The following ZFYVE28 variants were observed in gnomAD, a reference collection of about 807,000 sequenced individuals.
The protein encoded by ZFYVE28 is zinc finger FYVE-type containing 28, also known as lateral signaling target protein 2 homolog.
Under a neutral mutation model 82.1 loss-of-function variants are expected in ZFYVE28, and 40 were observed. That is an observed-to-expected ratio of 0.49 (90% CI 0.38 to 0.63). The LOEUF is 0.63. Ranked by LOEUF, ZFYVE28 falls within the 30% of genes least tolerant of loss-of-function variation. The pLI is 0.00. For synonymous variants in ZFYVE28, 612 were observed against 546.1 expected (o/e 1.12, Z -1.68); for missense variants, 1,321 against 1,242.1 (o/e 1.06, Z -0.96).
chr4:2,301,627 G>T (rs1014120964), intron 8 of ZFYVE28, among the ~76,000 whole-genome samples: 1 of 147,774 alleles, frequency 6.8e-6, no homozygotes, highest in Non-Finnish European at 1.5e-5. Flanking sequence ...GCTTCTGGAG[G>T]GGGTGGGCGT....
chr4:2,322,786 T>C (rs1345494834), intron 6 of ZFYVE28, among the ~76,000 whole-genome samples: 1 of 152,118 alleles, frequency 6.6e-6, no homozygotes, highest in African/African-American at 2.4e-5. Context: ...CTCATCTGCT[T>C]TCTGTCTCTA....
Position 2,409,743 on chromosome 4 carries a change from G to A in ZFYVE28, c.39+8542C>T, listed in dbSNP as rs1321764617. Among the ~76,000 whole-genome samples the A allele has an allele frequency of 6.6e-6, 1 of 152,240 alleles. No individual in the cohort carries two copies. The highest frequency in any genetic ancestry group is 1.5e-5 in the Non-Finnish European group (1 of 68,042). Reference sequence around the variant, plus strand: ...CAGCTCTGTGGGAGGAGGTCGGTTTGAGAAATTTGTCAGAACTACCCAACC... The same window carrying A: ...CAGCTCTGTGGGAGGAGGTCGGTTTAAGAAATTTGTCAGAACTACCCAACC... On this transcript the variant is annotated intron_variant, in intron 1 of 12. Transcript: ENST00000290974. The surrounding 1 kb of genome is among the most constrained non-coding windows in gnomAD (Gnocchi z 4.4).
chr4:2,352,428 C>T (rs1724620231), intron 2 of ZFYVE28, among the ~76,000 whole-genome samples: 1 of 151,174 alleles, frequency 6.6e-6, no homozygotes, highest in Admixed American at 6.6e-5. Context: ...GAGGGGGAGG[C>T]GTGGAAGAGG....
chr4:2,304,807 C>T lies in ZFYVE28; in HGVS notation c.1533G>A (p.Met511Ile), dbSNP rs1244801392. The T allele has an allele frequency of 1.2e-6, 2 of 1,612,606 alleles. No homozygotes were observed. Among genetic ancestry groups the T allele is most frequent in the East Asian group, 2.2e-5 (1 of 44,886 alleles). The change falls in exon 8 of 13, where the codon ATG (methionine) becomes ATA (isoleucine). Residue 511 changes from methionine (M) to isoleucine (I), a missense_variant. By Grantham distance (10) the Met-to-Ile change is conservative (BLOSUM62 1). Coordinates refer to ENST00000290974, the MANE Select transcript of ZFYVE28 (RefSeq NM_020972.3). ...AEMIAHRTGG[M>I]KLSATVIFNP... ...TGAAGATGACCGTGGCTGAGAGCTT[C>T]ATGCCCCCTGTCCGGTGGGCGATCA...
chr4:2,369,020 T>C (rs1324123002), intron 1 of ZFYVE28, among the ~76,000 whole-genome samples: 1 of 152,254 alleles, frequency 6.6e-6, no homozygotes, highest in Non-Finnish European at 1.5e-5. Context: ...CTGGTGGCTG[T>C]GAAGTGGCCG....
chr4:2,279,734 T>TGG (rs1486127219), intron 8 of ZFYVE28, among the ~76,000 whole-genome samples: 1 of 149,750 alleles, frequency 6.7e-6, no homozygotes, highest in African/African-American at 2.5e-5. Flanking sequence ...TGAGCCGAGA[T>TGG]CATGCCACTG....
In ZFYVE28 at chr4:2,305,447, G is replaced by A. The variant is rs748891457; in HGVS notation, c.893C>T (p.Ala298Val). 137 of 1,612,868 alleles carry A rather than the reference G, an allele frequency of 8.5e-5. No individual in the cohort carries two copies. The highest frequency in any genetic ancestry group is 2.5e-6 in the Non-Finnish European group (3 of 1,180,034). Residue 298 changes from alanine (A) to valine (V), a missense_variant, in exon 8 of 13, where the codon GCA becomes GTA. By Grantham distance (64) the Ala-to-Val change is moderately conservative (BLOSUM62 0). Coordinates refer to ENST00000290974, the MANE Select transcript of ZFYVE28 (RefSeq NM_020972.3). ...ISQDVEFPIRADVQGPAALAP... is the reference protein window; with the variant it reads ...ISQDVEFPIRVDVQGPAALAP... The stretch of plus-strand genomic sequence containing the variant: ...CAGGGCAGCGGGTCCCTGCACGTCT[G>A]CGCGGATGGGGAACTCCACGTCTTG...
intron 1 of ZFYVE28, chr4:2,364,764 C>A: frequency 1.0e-6 from 1 of 985,550 alleles, no homozygotes; most frequent in Non-Finnish European, 1.2e-6. Context: ...TTCCCGCCGC[C>A]GCGCCCTCGT....
chr4:2,373,214 T>C (rs893331417), intron 1 of ZFYVE28, among the ~76,000 whole-genome samples: 1 of 152,240 alleles, frequency 6.6e-6, no homozygotes, highest in East Asian at 1.9e-4. Context: ...ATAAAAAGTA[T>C]GAGCTGGGTG....
intron 1 of ZFYVE28, among the ~76,000 whole-genome samples, chr4:2,415,269 C>G (rs1732910996): frequency 6.6e-6 from 1 of 152,134 alleles, no homozygotes; most frequent in Non-Finnish European, 1.5e-5. Context: ...ACTATAAGAA[C>G]AGTGAATAAT....
intron 1 of ZFYVE28, chr4:2,364,921 G>A (rs918903697): frequency 3.0e-6 from 3 of 984,988 alleles, no homozygotes; most frequent in African/African-American, 3.5e-5. Flanking sequence ...CAGTGGAGGC[G>A]GGGGCGGGGC....
chr4:2,399,130 T>TAAGGCAAAAGGAG (rs1553865445), intron 1 of ZFYVE28, among the ~76,000 whole-genome samples: 1 of 104,652 alleles, frequency 9.6e-6, no homozygotes, highest in Non-Finnish European at 1.9e-5. Flanking sequence ...GGGCACAAGC[T>TAAGGCAAAAGGAG]GGGTGGTGAG....
intron 7 of ZFYVE28, among the ~76,000 whole-genome samples, chr4:2,307,951 A>C (rs1157123142): frequency 6.6e-6 from 1 of 152,234 alleles, no homozygotes; most frequent in Non-Finnish European, 1.5e-5. Flanking sequence ...AAAGAAAAAC[A>C]ACCATTCCCG....
In ZFYVE28 at chr4:2,382,157, T is replaced by G. The variant is rs563086718; in HGVS notation, c.40-28084A>C. On this transcript the variant is annotated intron_variant, in intron 1 of 12. Coordinates refer to ENST00000290974, the MANE Select transcript of ZFYVE28 (RefSeq NM_020972.3). The stretch of plus-strand genomic sequence containing the variant: ...CCTGGATCCCCAGGCAGAAGTTTGC[T>G]GCAGGGGTGGGGCACTCATGGAGAA... 5.9e-5 allele frequency among the ~76,000 whole-genome samples: 9 copies of G among 152,350 alleles called. No individual in the cohort carries two copies. In the South Asian group the frequency reaches 1.2e-3, roughly 21 times the overall value.
chr4:2,301,620 T>C (rs894295081), intron 8 of ZFYVE28, among the ~76,000 whole-genome samples: 2 of 151,286 alleles, frequency 1.3e-5, no homozygotes, highest in African/African-American at 4.9e-5. Context: ...GGGAGGAGCT[T>C]CTGGAGGGGG....
intron 8 of ZFYVE28, among the ~76,000 whole-genome samples, chr4:2,298,174 T>C (rs1577959061): frequency 1.5e-5 from 2 of 130,992 alleles, no homozygotes; most frequent in Non-Finnish European, 3.2e-5. Context: ...GACAGTGGGG[T>C]GACACAGTGA....
intron 8 of ZFYVE28, among the ~76,000 whole-genome samples, chr4:2,296,288 G>C (rs896615129): frequency 1.3e-5 from 2 of 152,188 alleles, no homozygotes; most frequent in African/African-American, 4.8e-5. Context: ...GTGGGGTTCT[G>C]GTGACACAGG....
intron 1 of ZFYVE28, among the ~76,000 whole-genome samples, chr4:2,365,369 C>T (rs988647440): frequency 1.4e-4 from 15 of 107,324 alleles, no homozygotes; most frequent in Non-Finnish European, 3.3e-4. Flanking sequence ...AAGGGCGTGT[C>T]CCCCCCAACT....
intron 8 of ZFYVE28, among the ~76,000 whole-genome samples, chr4:2,274,859 C>A (rs961242466): frequency 7.3e-6 from 1 of 136,350 alleles, no homozygotes; most frequent in Non-Finnish European, 1.5e-5. Context: ...CACCTGGAGT[C>A]CCCAGAAGCT....
Sources: allele counts gnomAD v4.1 joint callset (sites outside exome capture counted in the v4.1 genomes callset), GRCh38; gene constraint gnomAD v4.1.1; non-coding constraint Gnocchi (gnomAD v3.1); transcripts MANE v1.5; gene names NCBI Gene and HGNC (gene_info 2026-07-23, HGNC 2026-07-21).